Variants in ST6GALNAC3 observed in about 807,000 individuals in gnomAD.
ST6GALNAC3 encodes alpha-N-acetylgalactosaminide alpha-2,6-sialyltransferase 3.
A neutral mutation model predicts 32.7 loss-of-function variants in ST6GALNAC3; 25 were observed. The observed-to-expected ratio is 0.76, with a 90% CI of 0.56 to 1.07. The LOEUF is 1.07. ST6GALNAC3 is among the 50% of genes least tolerant of loss of function. The pLI, the probability that ST6GALNAC3 is intolerant of heterozygous loss-of-function variation, is 0.00. For synonymous variants in ST6GALNAC3, 129 were observed against 133.1 expected (o/e 0.97, Z 0.21); for missense variants, 355 against 382.4 (o/e 0.93, Z 0.60).
intron 3 of ST6GALNAC3, among the ~76,000 whole-genome samples, chr1:76,535,164 T>A (rs894927067): frequency 1.5e-4 from 23 of 152,174 alleles, no homozygotes; most frequent in African/African-American, 5.3e-4. Context: ...TCTTTCGCTT[T>A]CAGAATGATT....
intron 3 of ST6GALNAC3, among the ~76,000 whole-genome samples, chr1:76,492,479 G>A (rs1384002855): frequency 6.6e-6 from 1 of 152,088 alleles, no homozygotes; most frequent in Non-Finnish European, 1.5e-5. Context: ...GATAATAAAA[G>A]CTTAACGTAG....
In ST6GALNAC3 at chr1:76,145,546, T is replaced by C. The variant is rs541155072; in HGVS notation, c.18+70662T>C. Among the ~76,000 whole-genome samples, 20 of 152,342 alleles carry C rather than the reference T, an allele frequency of 1.3e-4. No homozygotes were observed. In the South Asian group the frequency reaches 4.1e-3, roughly 32 times the overall value. ...GAAGCACCAGCCTGTTGAATACCTC[T>C]GGGCCAAAATACTATTCAGATGTGT... On this transcript the variant is annotated intron_variant, in intron 1 of 4. Transcript: ENST00000328299.
chr1:76,608,642 T>TGG (rs1041448040), intron 3 of ST6GALNAC3, among the ~76,000 whole-genome samples: 2 of 150,102 alleles, frequency 1.3e-5, no homozygotes, highest in Non-Finnish European at 3.0e-5. Flanking sequence ...TGTGTGTGTG[T>TGG]GTGTACCTGG....
At chr1:76,539,905 G>A (rs546568148) in intron 3 of ST6GALNAC3, among the ~76,000 whole-genome samples, 2 of 152,304 alleles carry the variant, frequency 1.3e-5, no homozygotes, top group East Asian at 3.9e-4. Flanking sequence ...TACACTGTTG[G>A]TGGGAATGCA....
Position 76,630,596 on chromosome 1 carries a change from T to C in ST6GALNAC3, c.*1790T>C. 1.0e-6 allele frequency: 1 copy of C among 985,610 alleles called. No homozygotes were observed. The highest frequency in any genetic ancestry group is 4.7e-5 in the South Asian group (1 of 21,286). The allele number at this position is 985,610 out of a possible 1,614,324, so 61.1% of individuals were successfully genotyped here. On this transcript the variant is annotated 3_prime_UTR_variant, in exon 5 of 5. Coordinates refer to ENST00000328299, the MANE Select transcript of ST6GALNAC3 (RefSeq NM_152996.4). ...ACTGGAAGTAATGATACATTTCACT[T>C]CAGAAGCACTTGTAGGTCTTTACTA... is the stretch of plus-strand genomic sequence containing the variant.
chr1:76,462,384 A>G (rs1571310176), intron 3 of ST6GALNAC3, among the ~76,000 whole-genome samples: 1 of 151,982 alleles, frequency 6.6e-6, no homozygotes. Context: ...AGTCCCCATA[A>G]TTCCTTTTTT....
intron 1 of ST6GALNAC3, among the ~76,000 whole-genome samples, chr1:76,278,169 A>G (rs4949700): frequency 0.48 from 72,104 of 150,260 alleles, 17,625 homozygotes; most frequent in African/African-American, 0.56. Flanking sequence ...GTCTTTCGTC[A>G]CTATAATAAA....
intron 3 of ST6GALNAC3, among the ~76,000 whole-genome samples, chr1:76,455,535 G>A (rs567398175): frequency 6.6e-6 from 1 of 152,160 alleles, no homozygotes; most frequent in Non-Finnish European, 1.5e-5. Context: ...CATAACCCTT[G>A]CTTCCAGGAG....
chr1:76,302,932 G>A (rs1250577089), intron 1 of ST6GALNAC3, among the ~76,000 whole-genome samples: 2 of 151,922 alleles, frequency 1.3e-5, no homozygotes, highest in Non-Finnish European at 1.5e-5. Context: ...AGGGGCTCAA[G>A]GGCCTGGATG....
At chr1:76,102,217 A>G (rs1412870927) in intron 1 of ST6GALNAC3, among the ~76,000 whole-genome samples, 1 of 145,116 alleles carries the variant, frequency 6.9e-6, no homozygotes, top group Non-Finnish European at 1.5e-5. Flanking sequence ...TCTTTCAGTT[A>G]GTATTTGCCT....
chr1:76,129,556 T>G (rs1180325583), intron 1 of ST6GALNAC3, among the ~76,000 whole-genome samples: 1 of 152,180 alleles, frequency 6.6e-6, no homozygotes, highest in South Asian at 2.1e-4. Context: ...AACTGTTGAT[T>G]TAGTCTTCCA....
chr1:76,435,511 T>C (rs2101472032), intron 3 of ST6GALNAC3, among the ~76,000 whole-genome samples: 1 of 152,264 alleles, frequency 6.6e-6, no homozygotes, highest in South Asian at 2.1e-4. Context: ...TTTGGATAGA[T>C]CATAGATAAT....
At chr1:76,127,654 T>C (rs1181202523) in intron 1 of ST6GALNAC3, among the ~76,000 whole-genome samples, 3 of 152,220 alleles carry the variant, frequency 2.0e-5, no homozygotes, top group Non-Finnish European at 4.4e-5. Context: ...TTGCTGCTTT[T>C]AGTAGCATCG....
At chr1:76,378,895 A>T (rs970130283) in intron 2 of ST6GALNAC3, among the ~76,000 whole-genome samples, 37 of 151,898 alleles carry the variant, frequency 2.4e-4, no homozygotes, top group African/African-American at 8.4e-4. Flanking sequence ...TTATCATCAG[A>T]CCTAAGAATG....
intron 2 of ST6GALNAC3, among the ~76,000 whole-genome samples, chr1:76,398,264 T>G (rs888027805): frequency 6.6e-6 from 1 of 152,196 alleles, no homozygotes; most frequent in African/African-American, 2.4e-5. Context: ...CTATTTAATA[T>G]GCATTGACAA....
chr1:76,119,757 T>A (rs1196665049), intron 1 of ST6GALNAC3, among the ~76,000 whole-genome samples: 1 of 76,208 alleles, frequency 1.3e-5, no homozygotes, highest in Non-Finnish European at 2.9e-5. Context: ...CAGAGTCCTA[T>A]GCTAGGTGCC....
chr1:76,327,716 A>C (rs1647105056), intron 2 of ST6GALNAC3, among the ~76,000 whole-genome samples: 1 of 152,184 alleles, frequency 6.6e-6, no homozygotes, highest in Admixed American at 6.5e-5. Flanking sequence ...CAGCTTCCTA[A>C]GTAGCTGGGA....
chr1:76,277,173 A>G (rs916502880), intron 1 of ST6GALNAC3, among the ~76,000 whole-genome samples: 2 of 152,140 alleles, frequency 1.3e-5, no homozygotes, highest in Non-Finnish European at 2.9e-5. Context: ...TTATCAAACT[A>G]TTCCTTATGG....
chr1:76,564,484 A>T (rs1362228239), intron 3 of ST6GALNAC3, among the ~76,000 whole-genome samples: 1 of 152,190 alleles, frequency 6.6e-6, no homozygotes, highest in African/African-American at 2.4e-5. Flanking sequence ...TCAGGATTCA[A>T]TGCTAAATTA....
Sources: gnomAD v4.1 joint callset for allele counts (sites outside exome capture counted in the v4.1 genomes callset) on GRCh38, gnomAD v4.1.1 for gene constraint, MANE v1.5 for transcripts, NCBI Gene and HGNC (gene_info 2026-07-23, HGNC 2026-07-21) for gene names.